IL10RA: variants seen among roughly 807,000 people sequenced by gnomAD.
IL10RA encodes interleukin-10 receptor subunit alpha.
Under a neutral mutation model 29.6 loss-of-function variants are expected in IL10RA, and 18 were observed. The observed-to-expected ratio is 0.61, with a 90% CI of 0.42 to 0.90. The LOEUF (loss-of-function observed/expected upper bound fraction) is 0.90, where lower values mean the gene tolerates loss of function less well. Ranked by LOEUF, IL10RA falls within the 40% of genes least tolerant of loss-of-function variation. The pLI is 0.00. For missense variants in IL10RA, 634 were observed against 716.6 expected, an observed-to-expected ratio of 0.88 and a Z score of 1.32; for synonymous variants, 292 against 294.1, an observed-to-expected ratio of 0.99 and a Z score of 0.07.
intron 3 of IL10RA, among the ~76,000 whole-genome samples, chr11:117,991,820 C>T (rs1252307090): frequency 2.6e-5 from 4 of 152,172 alleles, no homozygotes; most frequent in East Asian, 1.9e-4. Flanking sequence ...CTTCAACCTC[C>T]GCCTCCCGAG....
chr11:117,987,192 G>T, intron 1 of IL10RA: 1 of 283,722 alleles, frequency 3.5e-6, no homozygotes, highest in Non-Finnish European at 7.0e-6. Context: ...GAGACAGAGA[G>T]CAAGGACCGA....
Sources: gnomAD v4.1 joint callset for allele counts (sites outside exome capture counted in the v4.1 genomes callset) on GRCh38, gnomAD v4.1.1 for gene constraint, MANE v1.5 for transcripts, NCBI Gene and HGNC (gene_info 2026-07-23, HGNC 2026-07-21) for gene names.